CLOCK: variants seen among roughly 807,000 people sequenced by gnomAD.
CLOCK encodes clock circadian regulator.
A neutral mutation model predicts 118.4 loss-of-function variants in CLOCK; 43 were observed. The ratio of observed to expected loss-of-function variants is 0.36; its 90% CI spans 0.28 to 0.47. The LOEUF (loss-of-function observed/expected upper bound fraction) is 0.47, where lower values mean the gene tolerates loss of function less well. Ranked by LOEUF, CLOCK falls within the 20% of genes least tolerant of loss-of-function variation. The pLI, the probability that CLOCK is intolerant of heterozygous loss-of-function variation, is 1.00. For missense variants in CLOCK, 846 were observed against 999.9 expected, an observed-to-expected ratio of 0.85 and a Z score of 2.08; for synonymous variants, 326 against 339.2, an observed-to-expected ratio of 0.96 and a Z score of 0.43.
chr4:55,508,368 T>A (rs1050908215), intron 2 of CLOCK, among the ~76,000 whole-genome samples: 1 of 152,190 alleles, frequency 6.6e-6, no homozygotes, highest in African/African-American at 2.4e-5. Context: ...TTCCCCTGAT[T>A]TACTATTTTA....
chr4:55,474,264 C>T (rs1414253573), intron 7 of CLOCK, among the ~76,000 whole-genome samples: 1 of 152,158 alleles, frequency 6.6e-6, no homozygotes, highest in African/African-American at 2.4e-5. Context: ...TCCCCTTAAG[C>T]CAAAGCCTAA....
At chr4:55,544,351 T>C (rs954932743) in intron 1 of CLOCK, among the ~76,000 whole-genome samples, 2 of 152,098 alleles carry the variant, frequency 1.3e-5, no homozygotes, top group Non-Finnish European at 2.9e-5. Flanking sequence ...TCATGAAACT[T>C]TGGGGTTAAG....
chr4:55,504,630 A>G (rs1266020145), intron 2 of CLOCK, among the ~76,000 whole-genome samples: 1 of 152,194 alleles, frequency 6.6e-6, no homozygotes, highest in African/African-American at 2.4e-5. Context: ...TGAACATATT[A>G]AAGTACAGGA....
At chr4:55,503,487 GT>G (rs1306246309) in intron 2 of CLOCK, among the ~76,000 whole-genome samples, 2 of 152,104 alleles carry the variant, frequency 1.3e-5, no homozygotes, top group Non-Finnish European at 2.9e-5. Flanking sequence ...TGACGAAAAT[GT>G]CCTATATCTT....
intron 1 of CLOCK, among the ~76,000 whole-genome samples, chr4:55,511,286 A>ATTTAG (rs1553901255): frequency 1.6e-5 from 2 of 124,892 alleles, no homozygotes; most frequent in Non-Finnish European, 3.6e-5. Flanking sequence ...TATCCTATCT[A>ATTTAG]TCTAATTTTA....
Position 55,432,888 on chromosome 4 carries a change from G to C in CLOCK, c.*2527C>G, listed in dbSNP as rs959179655. 3 of 152,586 alleles carry C rather than the reference G, an allele frequency of 2.0e-5. No individual in the cohort carries two copies. Among genetic ancestry groups the C allele is most frequent in the African/African-American group, 7.2e-5 (3 of 41,438 alleles). 9.5% of individuals were successfully genotyped at this position (152,586 alleles called of 1,614,324 possible). A position where few individuals can be genotyped will look rare whatever the true frequency, so the allele number is the denominator to read the frequency against. ...AGATGGGAAATAATTGAAGGGGCTG[G>C]AGTAGGACAATGTGAGTAAACAGTT... On this transcript the variant is annotated 3_prime_UTR_variant, in exon 23 of 23. Coordinates refer to ENST00000513440, the MANE Select transcript of CLOCK (RefSeq NM_004898.4).
chr4:55,442,847 T>G (rs1305672982), intron 20 of CLOCK, among the ~76,000 whole-genome samples: 1 of 152,086 alleles, frequency 6.6e-6, no homozygotes, highest in East Asian at 1.9e-4. Flanking sequence ...AAGCTATGAC[T>G]TTAGAAAGGA....
At chr4:55,496,683 T>A (rs944099001) in intron 2 of CLOCK, among the ~76,000 whole-genome samples, 2 of 152,204 alleles carry the variant, frequency 1.3e-5, no homozygotes, top group Non-Finnish European at 2.9e-5. Context: ...GAAGATTATT[T>A]ATCACATTCC....
At chr4:55,444,600 G>T in intron 19 of CLOCK, 33 bp downstream of exon 19, 3 of 1,613,322 alleles carry the variant, frequency 1.9e-6, no homozygotes, top group Non-Finnish European at 1.7e-6. Flanking sequence ...ATGTGAATGG[G>T]ATGCTTTGTT....
intron 1 of CLOCK, chr4:55,545,578 T>C (rs1221432670): frequency 3.3e-5 from 5 of 152,230 alleles, no homozygotes; most frequent in Non-Finnish European, 7.3e-5. Context: ...TAAAGTCTAA[T>C]AGCACGGCAT....
At chr4:55,528,652 A>G (rs7673908) in intron 1 of CLOCK, among the ~76,000 whole-genome samples, 62,792 of 151,102 alleles carry the variant, frequency 0.42, 14,521 homozygotes, top group African/African-American at 0.63. Flanking sequence ...AACTAAGCGA[A>G]GCACAGCCCA....
Position 55,435,535 on chromosome 4 carries a change from A to G in CLOCK, c.2421T>C (p.Pro807=). The change falls in exon 23 of 23, where the codon CCT becomes CCC. Residue 807 remains proline, a synonymous_variant. Transcript: ENST00000513440. ...STQLILSAAF[P]LQQSTFPQSH... is the part of the protein sequence containing the mutation. ...ACTGAGGGAAGGTGCTCTGTTGTAG[A>G]GGAAATGCAGCAGAGAGAATGAGTT... The G allele has an allele frequency of 6.2e-7, 1 of 1,614,046 alleles. No homozygotes were observed. The highest frequency in any genetic ancestry group is 2.2e-5 in the East Asian group (1 of 44,878).
intron 6 of CLOCK, 73 bp downstream of exon 6, chr4:55,478,742 T>A: frequency 6.8e-7 from 1 of 1,464,330 alleles, no homozygotes; most frequent in African/African-American, 1.4e-5. Context: ...AAGCATCCAA[T>A]CTTAAGCATC....
intron 11 of CLOCK, among the ~76,000 whole-genome samples, chr4:55,457,922 A>G (rs12500686): frequency 0.26 from 40,260 of 152,130 alleles, 6,235 homozygotes; most frequent in East Asian, 0.58. Flanking sequence ...TAGGGTTGTC[A>G]TAAGAATTAA....
rs560589360 is a variant in CLOCK, at chr4:55,430,366, A to G, written c.*5049T>C. 2 of 152,208 alleles carry G rather than the reference A, an allele frequency of 1.3e-5. No individual in the cohort carries two copies. Among genetic ancestry groups the G allele is most frequent in the South Asian group, 2.1e-4 (1 of 4,832 alleles). 9.4% of individuals were successfully genotyped at this position (152,208 alleles called of 1,614,324 possible). A position where few individuals can be genotyped will look rare whatever the true frequency, so the allele number is the denominator to read the frequency against. On this transcript the variant is annotated 3_prime_UTR_variant, in exon 23 of 23. Transcript: ENST00000513440. ...CTGCAGAGTATTTTATTTAAGAAAA[A>G]CAAGGAATGTAGTGTTATGACATAG... is the stretch of plus-strand genomic sequence containing the variant.
intron 2 of CLOCK, among the ~76,000 whole-genome samples, chr4:55,491,681 C>G (rs55729020): frequency 0.25 from 37,389 of 151,874 alleles, 4,916 homozygotes; most frequent in South Asian, 0.37. Context: ...TGGTCTAAAA[C>G]TATAAACAAT....
intron 2 of CLOCK, among the ~76,000 whole-genome samples, chr4:55,502,245 T>A (rs1251896095): frequency 1.3e-5 from 2 of 152,204 alleles, no homozygotes; most frequent in Non-Finnish European, 2.9e-5. Context: ...GAATTTTTAT[T>A]GAAATTCAAA....
chr4:55,457,472 A>T (rs1482423876), intron 11 of CLOCK, among the ~76,000 whole-genome samples: 1 of 151,898 alleles, frequency 6.6e-6, no homozygotes, highest in Non-Finnish European at 1.5e-5. Flanking sequence ...CCTGTCCTTC[A>T]ACTCATCTTC....
intron 8 of CLOCK, among the ~76,000 whole-genome samples, chr4:55,464,777 GA>G (rs1725619199): frequency 6.6e-6 from 1 of 152,214 alleles, no homozygotes; most frequent in African/African-American, 2.4e-5. Context: ...AGAATGGTGA[GA>G]GGGGAGAAAG....
Sources: allele counts gnomAD v4.1 joint callset (sites outside exome capture counted in the v4.1 genomes callset), GRCh38; gene constraint gnomAD v4.1.1; transcripts MANE v1.5; gene names NCBI Gene and HGNC (gene_info 2026-07-23, HGNC 2026-07-21).